The following TYW3 variants were observed in gnomAD, a reference collection of about 807,000 sequenced individuals.
The protein encoded by TYW3 is tRNA wybutosine-synthesizing protein 3 homolog.
Under a neutral mutation model 23.1 loss-of-function variants are expected in TYW3, and 26 were observed. That is an observed-to-expected ratio of 1.13 (90% CI 0.83 to 1.56). TYW3 has a LOEUF of 1.56. TYW3 is among the 40% of genes most tolerant of loss of function. The probability of loss-of-function intolerance (pLI) is 0.00; values close to 1 mark genes in which losing one functional copy is unlikely to be tolerated. For synonymous variants in TYW3, 102 were observed against 105.7 expected (o/e 0.97, Z 0.21); for missense variants, 316 against 311.9 (o/e 1.01, Z -0.10).
intron 3 of TYW3, among the ~76,000 whole-genome samples, chr1:74,747,653 AAAAG>A (rs1396619937): frequency 6.6e-6 from 1 of 151,374 alleles, no homozygotes; most frequent in Non-Finnish European, 1.5e-5. Flanking sequence ...AAAAAAAAGA[AAAAG>A]AAAAAAAGAA....
At chr1:74,742,292 C>T (rs1261029854) in intron 3 of TYW3, among the ~76,000 whole-genome samples, 4 of 152,144 alleles carry the variant, frequency 2.6e-5, no homozygotes, top group Non-Finnish European at 5.9e-5. Context: ...GAGATTTGGC[C>T]CTGTAAATAG....
At chr1:74,741,809 G>A (rs964595923) in intron 3 of TYW3, among the ~76,000 whole-genome samples, 2 of 152,178 alleles carry the variant, frequency 1.3e-5, no homozygotes, top group African/African-American at 4.8e-5. Flanking sequence ...AGTAGGCCAT[G>A]GGAGATGAGT....
At chr1:74,742,670 A>G (rs748928927) in intron 3 of TYW3, among the ~76,000 whole-genome samples, 5 of 152,138 alleles carry the variant, frequency 3.3e-5, no homozygotes, top group Admixed American at 6.5e-5. Context: ...GGGTTTTTAC[A>G]CTGTGTGTAG....
rs1173586482 is a variant in TYW3 at position 74,763,967 on chromosome 1, A to C, written c.634A>C (p.Asn212His). ...TNLHPKIKEK[N>H]NSSYIHKKKR... ...CTTACATCCCAAGATCAAAGAGAAA[A>C]ATAACTCATCATATATTCATAAGAA... Residue 212 changes from asparagine (N) to histidine (H), a missense_variant, in exon 6 of 6, where the codon AAT becomes CAT. Physicochemically the swap from Asn to His is moderately conservative, Grantham distance 68. Transcript: ENST00000370867. The C allele has an allele frequency of 6.2e-7, 1 of 1,610,534 alleles. No individual in the cohort carries two copies. The highest frequency in any genetic ancestry group is 8.5e-7 in the Non-Finnish European group (1 of 1,179,054).
chr1:74,742,441 A>G (rs370197284), intron 3 of TYW3, among the ~76,000 whole-genome samples: 3 of 152,262 alleles, frequency 2.0e-5, no homozygotes, highest in Non-Finnish European at 2.9e-5. Context: ...GGAGAAAACT[A>G]TGCCCCCGTG....
rs1381160323 is a variant in TYW3 at position 74,764,722 on chromosome 1, G to A, written c.*609G>A. ...AAAGATTTGGGAATAATTGATTACA[G>A]GTGAGGAAGTACTGGAATTCCAGTT... is the stretch of plus-strand genomic sequence containing the variant. On this transcript the variant is annotated 3_prime_UTR_variant, in exon 6 of 6. Transcript: ENST00000370867. The A allele has an allele frequency of 1.3e-5, 2 of 152,086 alleles. No homozygotes were observed. The highest frequency in any genetic ancestry group is 2.9e-5 in the Non-Finnish European group (2 of 68,006). 9.4% of individuals were successfully genotyped at this position (152,086 alleles called of 1,614,324 possible).
chr1:74,750,167 T>C (rs911133684), intron 4 of TYW3: 1 of 152,256 alleles, frequency 6.6e-6, no homozygotes, highest in Non-Finnish European at 1.5e-5. Context: ...GCCCTCAAGA[T>C]CCCTAACCTC....
Position 74,751,831 on chromosome 1 carries a change from T to C in TYW3, c.427-461T>C, listed in dbSNP as rs367627148. ...TATTAAGATTGTGAACCCTAAAGCA[T>C]TGAGAAGCAGCTCCTGTGTATGATA... On this transcript the variant is annotated intron_variant, in intron 4 of 5. Transcript: ENST00000370867. Among the ~76,000 whole-genome samples, 5 of 152,198 alleles carry C rather than the reference T, an allele frequency of 3.3e-5. No homozygotes were observed. In the South Asian group the frequency reaches 6.2e-4, roughly 19 times the overall value.
At chr1:74,748,652 T>C (rs1015419808) in intron 3 of TYW3, 99 bp from the exon 4 acceptor site, 1 of 1,249,690 alleles carries the variant, frequency 8.0e-7, no homozygotes, top group Non-Finnish European at 1.1e-6. Flanking sequence ...AAAACCTTAA[T>C]AGCTTTTAGG....
In TYW3 at chr1:74,752,367, G is replaced by A; in HGVS notation, c.502G>A (p.Asp168Asn). 1 of 1,613,486 alleles carries A rather than the reference G, an allele frequency of 6.2e-7. No homozygotes were observed. Among genetic ancestry groups the A allele is most frequent in the Non-Finnish European group, 8.5e-7 (1 of 1,179,704 alleles). ...GKLMVTEEYI[D>N]FLLNVANQKM... ...ACTGATGGTGACAGAGGAATATATT[G>A]ACTTCCTGTTAAATGTGGCAAATCA... Residue 168 changes from aspartate to asparagine, a missense_variant, in exon 5 of 6, where the codon GAC becomes AAC. By Grantham distance (23) the Asp-to-Asn change is conservative. Transcript: ENST00000370867.
At chr1:74,742,875 A>C (rs966264283) in intron 3 of TYW3, among the ~76,000 whole-genome samples, 5 of 152,192 alleles carry the variant, frequency 3.3e-5, no homozygotes, top group Non-Finnish European at 5.9e-5. Context: ...CTTGGATGGT[A>C]ACGGACCTTG....
intron 5 of TYW3, among the ~76,000 whole-genome samples, chr1:74,758,633 A>T (rs1483204200): frequency 1.6e-5 from 2 of 122,044 alleles, no homozygotes; most frequent in African/African-American, 3.2e-5. Context: ...TCTGATTCTT[A>T]TCGTCATTTA....
At chr1:74,750,058 C>T (rs1648723897) in intron 4 of TYW3, 1 of 151,726 alleles carries the variant, frequency 6.6e-6, no homozygotes, top group Middle Eastern at 3.2e-3. Flanking sequence ...ATTCTTTCAC[C>T]TTCTTCTTTG....
intron 3 of TYW3, among the ~76,000 whole-genome samples, chr1:74,740,460 G>A (rs1353218062): frequency 6.6e-6 from 1 of 152,224 alleles, no homozygotes; most frequent in East Asian, 1.9e-4. Context: ...GTGGGTTGCT[G>A]CTGCTGGCTC....
At chr1:74,751,665 T>C (rs1305703964) in intron 4 of TYW3, among the ~76,000 whole-genome samples, 1 of 151,592 alleles carries the variant, frequency 6.6e-6, no homozygotes, top group Non-Finnish European at 1.5e-5. Context: ...AGTGAAACTC[T>C]GTCTGAAAAA....
At chr1:74,759,710 C>T (rs932668760) in intron 5 of TYW3, among the ~76,000 whole-genome samples, 4 of 152,202 alleles carry the variant, frequency 2.6e-5, no homozygotes, top group Admixed American at 6.5e-5. Flanking sequence ...GTGGCATGAT[C>T]TTGGCTCACT....
intron 5 of TYW3, 114 bp downstream of exon 5, chr1:74,752,539 T>C (rs988013898): frequency 1.1e-6 from 1 of 908,982 alleles, no homozygotes; most frequent in Non-Finnish European, 1.6e-6. Flanking sequence ...TTGTAGATAA[T>C]TTAAAAATAC....
intron 5 of TYW3, among the ~76,000 whole-genome samples, chr1:74,761,311 G>A (rs1041618804): frequency 2.6e-5 from 4 of 151,882 alleles, no homozygotes; most frequent in African/African-American, 9.7e-5. Flanking sequence ...GGTACCCTAA[G>A]GACATAGCTT....
chr1:74,763,058 A>G (rs1005437356), intron 5 of TYW3, among the ~76,000 whole-genome samples: 1 of 152,090 alleles, frequency 6.6e-6, no homozygotes, highest in Non-Finnish European at 1.5e-5. Flanking sequence ...AAATAATGCG[A>G]TATCATTTTC....
Sources: gnomAD v4.1 joint callset for allele counts (sites outside exome capture counted in the v4.1 genomes callset) on GRCh38, gnomAD v4.1.1 for gene constraint, MANE v1.5 for transcripts, NCBI Gene and HGNC (gene_info 2026-07-23, HGNC 2026-07-21) for gene names.